CNTNAP2: variants seen among roughly 807,000 people sequenced by gnomAD.
The protein encoded by CNTNAP2 is contactin associated protein 2.
Under a neutral mutation model 155.2 loss-of-function variants are expected in CNTNAP2, and 98 were observed. The ratio of observed to expected loss-of-function variants is 0.63; its 90% CI spans 0.54 to 0.75. CNTNAP2 has a LOEUF of 0.75. Ranked by LOEUF, CNTNAP2 falls within the 30% of genes least tolerant of loss-of-function variation. The probability of loss-of-function intolerance (pLI) is 0.00; values close to 1 mark genes in which losing one functional copy is unlikely to be tolerated. For missense variants in CNTNAP2, 1,727 were observed against 1,688.1 expected (o/e 1.02, Z -0.40); for synonymous variants, 651 against 631.2 (o/e 1.03, Z -0.47).
chr7:146,292,725 G>A (rs1423363040), intron 1 of CNTNAP2, among the ~76,000 whole-genome samples: 1 of 152,150 alleles, frequency 6.6e-6, no homozygotes, highest in East Asian at 1.9e-4. Flanking sequence ...TGTCATTTGT[G>A]ACAACAGTGA....
chr7:148,334,324 G>A (rs571382427), intron 21 of CNTNAP2, among the ~76,000 whole-genome samples: 10 of 152,254 alleles, frequency 6.6e-5, no homozygotes, highest in Non-Finnish European at 1.3e-4. Context: ...GTTCACTCTC[G>A]GGGCTGAAGG....
intron 1 of CNTNAP2, among the ~76,000 whole-genome samples, chr7:146,151,682 GTATATATATA>G (rs775446723): frequency 0.45 from 33,491 of 74,524 alleles, 6,918 homozygotes; most frequent in Middle Eastern, 0.57. Context: ...ATATATATAT[GTATATATATA>G]TATATGTATA....
chr7:147,594,123 C>A (rs183680229), intron 12 of CNTNAP2, among the ~76,000 whole-genome samples: 3 of 95,488 alleles, frequency 3.1e-5, no homozygotes, highest in African/African-American at 9.3e-5. Context: ...CCTCTGGTGT[C>A]TCTTTTTTTT....
chr7:148,407,859 T>C (rs551383381), intron 22 of CNTNAP2, among the ~76,000 whole-genome samples: 5 of 152,342 alleles, frequency 3.3e-5, no homozygotes, highest in African/African-American at 1.2e-4. Flanking sequence ...GCTTAGTGTC[T>C]GTGCTTTTAC....
At chr7:148,230,085 C>A (rs986884645) in intron 20 of CNTNAP2, among the ~76,000 whole-genome samples, 1 of 152,222 alleles carries the variant, frequency 6.6e-6, no homozygotes, top group Non-Finnish European at 1.5e-5. Context: ...ATTGCACCAT[C>A]TTTCTTCGCC....
At chr7:148,388,414 G>T (rs529399206) in intron 22 of CNTNAP2, among the ~76,000 whole-genome samples, 1 of 151,162 alleles carries the variant, frequency 6.6e-6, no homozygotes, top group African/African-American at 2.4e-5. Context: ...TTGTCCTTGC[G>T]ATAGTTTACT....
chr7:148,061,356 T>G (rs1443396459), intron 15 of CNTNAP2, among the ~76,000 whole-genome samples: 1 of 151,648 alleles, frequency 6.6e-6, no homozygotes, highest in East Asian at 1.9e-4. Context: ...TTTAAATTTT[T>G]TATTATTTAT....
intron 1 of CNTNAP2, among the ~76,000 whole-genome samples, chr7:146,307,407 A>C (rs891054946): frequency 2.0e-5 from 3 of 152,170 alleles, no homozygotes; most frequent in African/African-American, 7.2e-5. Flanking sequence ...ATACTGCCCA[A>C]GGTAATTTAT....
chr7:146,830,053 C>A (rs1803480779), intron 2 of CNTNAP2, among the ~76,000 whole-genome samples: 1 of 152,076 alleles, frequency 6.6e-6, no homozygotes, highest in African/African-American at 2.4e-5. Flanking sequence ...TTAGAAATAT[C>A]TTCTCCCAAT....
At chr7:146,967,423 G>C (rs1797680649) in intron 3 of CNTNAP2, among the ~76,000 whole-genome samples, 1 of 152,106 alleles carries the variant, frequency 6.6e-6, no homozygotes, top group South Asian at 2.1e-4. Flanking sequence ...TCACGATATT[G>C]ATTCTTCCTA....
chr7:147,070,647 A>T (rs554465634), intron 4 of CNTNAP2, among the ~76,000 whole-genome samples: 1 of 152,300 alleles, frequency 6.6e-6, no homozygotes, highest in South Asian at 2.1e-4. Flanking sequence ...TTGTCATTAA[A>T]CTGAAAGAGT....
intron 13 of CNTNAP2, among the ~76,000 whole-genome samples, chr7:147,792,497 AGTGT>A (rs3054133): frequency 0.014 from 2,084 of 150,728 alleles, 91 homozygotes; most frequent in Admixed American, 0.089. Flanking sequence ...TCCACGTTGT[AGTGT>A]GTGTGTGTGT....
intron 1 of CNTNAP2, among the ~76,000 whole-genome samples, chr7:146,636,904 C>G (rs191813501): frequency 6.6e-6 from 1 of 152,260 alleles, no homozygotes; most frequent in African/African-American, 2.4e-5. Context: ...ATATATAAAA[C>G]TGAAATTGAC....
At chr7:147,719,910 C>A (rs1028769996) in intron 13 of CNTNAP2, among the ~76,000 whole-genome samples, 3 of 152,050 alleles carry the variant, frequency 2.0e-5, no homozygotes, top group Admixed American at 6.6e-5. Context: ...TTGAAGATTT[C>A]CTACTTTCTC....
At chr7:146,748,101 A>G (rs1801839090) in intron 1 of CNTNAP2, among the ~76,000 whole-genome samples, 1 of 148,098 alleles carries the variant, frequency 6.8e-6, no homozygotes, top group Non-Finnish European at 1.5e-5. Context: ...AGAGTAAAGT[A>G]GTTTGTCCAG....
intron 6 of CNTNAP2, among the ~76,000 whole-genome samples, chr7:147,127,457 A>G (rs6945282): frequency 0.1 from 15,323 of 152,078 alleles, 804 homozygotes; most frequent in Non-Finnish European, 0.12. Flanking sequence ...TTAAGATGCC[A>G]TAACACTAAA....
chr7:147,423,086 G>A (rs1237394081), intron 10 of CNTNAP2, among the ~76,000 whole-genome samples: 1 of 152,086 alleles, frequency 6.6e-6, no homozygotes, highest in East Asian at 1.9e-4. Context: ...TTTGCAGGCC[G>A]ACCACCACCA....
intron 12 of CNTNAP2, 26 bp from the exon 13 acceptor site, chr7:147,639,080 G>T: frequency 6.2e-7 from 1 of 1,610,260 alleles, no homozygotes. Context: ...AATGATCCAG[G>T]GTCCTGGTTG....
intron 1 of CNTNAP2, among the ~76,000 whole-genome samples, chr7:146,602,758 G>A (rs868179688): frequency 2.6e-5 from 4 of 152,180 alleles, no homozygotes; most frequent in South Asian, 2.1e-4. Context: ...CTCCTTCAAT[G>A]TGTTTCAAAT....
Sources: gnomAD v4.1 joint callset for allele counts (sites outside exome capture counted in the v4.1 genomes callset) on GRCh38, gnomAD v4.1.1 for gene constraint, MANE v1.5 for transcripts, NCBI Gene and HGNC (gene_info 2026-07-23, HGNC 2026-07-21) for gene names.